Variants in AFF3 observed in about 807,000 individuals in gnomAD.
AFF3 encodes the protein AF4/FMR2 family member 3.
Under a neutral mutation model 129.7 loss-of-function variants are expected in AFF3, and 32 were observed. The observed-to-expected ratio is 0.25, with a 90% CI of 0.19 to 0.33. The LOEUF (loss-of-function observed/expected upper bound fraction) is 0.33. Among genes scored for constraint, AFF3 ranks in the 10% least tolerant of loss-of-function variants. AFF3 has a pLI of 1.00. For synonymous variants in AFF3, 644 were observed against 635.4 expected (o/e 1.01, Z -0.20); for missense variants, 1,373 against 1,592.0 (o/e 0.86, Z 2.34).
chr2:100,092,507 C>G (rs1020324434), intron 4 of AFF3, among the ~76,000 whole-genome samples: 1 of 152,148 alleles, frequency 6.6e-6, no homozygotes, highest in South Asian at 2.1e-4. Context: ...TGCTTAAAGC[C>G]CTCATGCAGG....
intron 2 of AFF3, among the ~76,000 whole-genome samples, chr2:100,115,723 A>G (rs1216732388): frequency 1.3e-5 from 2 of 152,206 alleles, no homozygotes; most frequent in Non-Finnish European, 2.9e-5. Context: ...TCAGAATACC[A>G]GTATTTCCTA....
intron 8 of AFF3, among the ~76,000 whole-genome samples, chr2:99,836,997 G>A (rs1034458317): frequency 1.3e-5 from 2 of 152,214 alleles, no homozygotes; most frequent in African/African-American, 4.8e-5. Flanking sequence ...CGGGCTCACA[G>A]AGGGTGACAG....
chr2:99,947,653 T>TAGAC (rs869305084), intron 7 of AFF3, among the ~76,000 whole-genome samples: 3,657 of 122,992 alleles, frequency 0.03, 140 homozygotes, highest in East Asian at 0.059. Flanking sequence ...GATAGATAGA[T>TAGAC]AGACAGACAG....
At chr2:99,906,547 A>G (rs190299846) in intron 7 of AFF3, among the ~76,000 whole-genome samples, 2 of 152,298 alleles carry the variant, frequency 1.3e-5, no homozygotes, top group East Asian at 3.9e-4. Flanking sequence ...ATAAGATGAA[A>G]GTCGATAACA....
intron 8 of AFF3, among the ~76,000 whole-genome samples, chr2:99,828,670 G>A (rs1688293540): frequency 6.6e-6 from 1 of 152,202 alleles, no homozygotes; most frequent in African/African-American, 2.4e-5. Context: ...GAATTTGATG[G>A]AGGCAGTAAT....
chr2:99,889,023 T>G (rs968350011), intron 7 of AFF3, among the ~76,000 whole-genome samples: 1 of 152,240 alleles, frequency 6.6e-6, no homozygotes, highest in Non-Finnish European at 1.5e-5. Context: ...TTTAAACCTT[T>G]AAAAATTTAT....
chr2:99,843,313 C>T (rs1481931985), intron 7 of AFF3, among the ~76,000 whole-genome samples: 1 of 152,226 alleles, frequency 6.6e-6, no homozygotes, highest in Non-Finnish European at 1.5e-5. Flanking sequence ...CTAACCTGTA[C>T]CATCCCCTGT....
intron 4 of AFF3, among the ~76,000 whole-genome samples, chr2:100,047,262 C>G (rs1049167143): frequency 4.6e-5 from 7 of 152,322 alleles, no homozygotes; most frequent in Admixed American, 2.6e-4. Flanking sequence ...GCCCAATGTA[C>G]TTTATTTAAA....
chr2:99,604,164 C>T (rs1050390143), intron 13 of AFF3, among the ~76,000 whole-genome samples: 1 of 152,170 alleles, frequency 6.6e-6, no homozygotes, highest in Non-Finnish European at 1.5e-5. Flanking sequence ...CATAAAGACA[C>T]ATGCACGCGT....
chr2:99,895,847 T>C (rs1440116089), intron 7 of AFF3, among the ~76,000 whole-genome samples: 2 of 152,082 alleles, frequency 1.3e-5, no homozygotes, highest in Non-Finnish European at 2.9e-5. Context: ...GGTGGGTGGA[T>C]CACCTGAGGT....
At chr2:99,593,096 C>A in intron 15 of AFF3, 99 bp downstream of exon 15, 2 of 1,409,708 alleles carry the variant, frequency 1.4e-6, no homozygotes, top group Non-Finnish European at 1.9e-6. Context: ...GCCTACCGTC[C>A]CAAACAGCAG....
chr2:99,970,502 G>A (rs1466161902), intron 7 of AFF3, among the ~76,000 whole-genome samples: 1 of 152,144 alleles, frequency 6.6e-6, no homozygotes, highest in Non-Finnish European at 1.5e-5. Context: ...TCCTTCATGA[G>A]CTGGCTCAAA....
intron 8 of AFF3, among the ~76,000 whole-genome samples, chr2:99,761,614 C>T (rs1244712607): frequency 6.6e-6 from 1 of 152,202 alleles, no homozygotes; most frequent in African/African-American, 2.4e-5. Flanking sequence ...AGAATTTTAG[C>T]CTCAAGTTAA....
intron 7 of AFF3, among the ~76,000 whole-genome samples, chr2:99,957,009 A>G (rs1676712982): frequency 6.6e-6 from 1 of 152,264 alleles, no homozygotes; most frequent in Non-Finnish European, 1.5e-5. Context: ...AGTGGTGCTT[A>G]ATAAATCCCA....
At chr2:99,771,540 C>T (rs1326014635) in intron 8 of AFF3, among the ~76,000 whole-genome samples, 1 of 152,110 alleles carries the variant, frequency 6.6e-6, no homozygotes, top group African/African-American at 2.4e-5. Flanking sequence ...TACAGCAACA[C>T]ATTCTAGAGA....
At chr2:99,945,291 A>T (rs1675452629) in intron 7 of AFF3, among the ~76,000 whole-genome samples, 1 of 152,250 alleles carries the variant, frequency 6.6e-6, no homozygotes, top group Non-Finnish European at 1.5e-5. Flanking sequence ...AGGTAAAGCC[A>T]GTAGCCTAAC....
chr2:99,593,381 A>G lies in AFF3; in HGVS notation c.2280T>C (p.Ser760=), dbSNP rs1678931395. 2 of 1,613,798 alleles carry G rather than the reference A, an allele frequency of 1.2e-6. No individual in the cohort carries two copies. The highest frequency in any genetic ancestry group is 1.7e-6 in the Non-Finnish European group (2 of 1,179,964). The change falls in exon 15 of 25, where the codon AGT becomes AGC. Residue 760 remains serine (S), a synonymous_variant. Coordinates refer to ENST00000672756, the MANE Select transcript of AFF3 (RefSeq NM_001386135.1). The part of the protein sequence containing the change: ...RNELLSPLKD[S]DEIRSLWVKI... ...TGACCCAGAGAGACCTGATCTCATC[A>G]CTGTCCTTTAGAGGGGAGAGAAGTT...
At position 99,568,861 on chromosome 2, in the gene AFF3, T is replaced by G. The variant is rs1187770200; in HGVS notation, c.2973A>C (p.Ala991=). The stretch of plus-strand genomic sequence containing the variant: ...AAGAAAAGGGTCTCACCATTGCATC[T>G]GCTTTATGCTTCATTCGTTTAGCTT... ...MQEAKRMKHK[A]DAMVEKFGKA... is the part of the protein sequence containing the mutation. Residue 991 remains alanine, a synonymous_variant, in exon 19 of 25, where the codon GCA becomes GCC. Coordinates refer to ENST00000672756, the MANE Select transcript of AFF3 (RefSeq NM_001386135.1). The G allele has an allele frequency of 1.2e-6, 2 of 1,614,040 alleles. No individual in the cohort carries two copies. Among genetic ancestry groups the G allele is most frequent in the Non-Finnish European group, 1.7e-6 (2 of 1,179,990 alleles).
intron 10 of AFF3, among the ~76,000 whole-genome samples, chr2:99,740,098 T>C (rs1680592089): frequency 6.6e-6 from 1 of 151,858 alleles, no homozygotes; most frequent in Admixed American, 6.6e-5. Flanking sequence ...TTACTGAGAA[T>C]GATGAGTTCC....
Sources: gnomAD v4.1 joint callset for allele counts (sites outside exome capture counted in the v4.1 genomes callset) on GRCh38, gnomAD v4.1.1 for gene constraint, MANE v1.5 for transcripts, NCBI Gene and HGNC (gene_info 2026-07-23, HGNC 2026-07-21) for gene names.